RBFOX1: variants seen among roughly 807,000 people sequenced by gnomAD.
RBFOX1 encodes RNA binding fox-1 homolog 1.
RBFOX1 carries 8 observed loss-of-function variants against 57.7 expected under a neutral mutation model. The observed-to-expected ratio is 0.14, with a 90% CI of 0.08 to 0.25. The LOEUF is 0.25. Ranked by LOEUF, RBFOX1 falls within the 10% of genes least tolerant of loss-of-function variation. The probability of loss-of-function intolerance (pLI) is 1.00; values close to 1 mark genes in which losing one functional copy is unlikely to be tolerated. For synonymous variants in RBFOX1, 326 were observed against 222.4 expected (o/e 1.47, Z -4.15); for missense variants, 611 against 548.5 (o/e 1.11, Z -1.14).
chr16:7,701,370 C>T (rs2080662439), intron 14 of RBFOX1, among the ~76,000 whole-genome samples: 2 of 152,186 alleles, frequency 1.3e-5, no homozygotes, highest in African/African-American at 2.4e-5. Flanking sequence ...CCTGCCTGAG[C>T]TCCACCTCCT....
At chr16:6,452,038 C>A (rs911089482) in intron 2 of RBFOX1, among the ~76,000 whole-genome samples, 1 of 151,384 alleles carries the variant, frequency 6.6e-6, no homozygotes, top group Admixed American at 6.6e-5. Flanking sequence ...ATGGCTCCTT[C>A]CTTCCATGGC....
intron 3 of RBFOX1, among the ~76,000 whole-genome samples, chr16:6,812,440 C>G (rs981778234): frequency 1.3e-5 from 2 of 152,104 alleles, no homozygotes; most frequent in Non-Finnish European, 2.9e-5. Flanking sequence ...GTGGCCCGAT[C>G]TCGGCTCATT....
At chr16:7,082,963 G>C (rs2059426952) in intron 4 of RBFOX1, among the ~76,000 whole-genome samples, 1 of 151,644 alleles carries the variant, frequency 6.6e-6, no homozygotes, top group Non-Finnish European at 1.5e-5. Flanking sequence ...GGACCTACCA[G>C]CCTGCTTGTA....
intron 4 of RBFOX1, among the ~76,000 whole-genome samples, chr16:7,152,678 C>G (rs573344200): frequency 6.6e-6 from 1 of 152,146 alleles, no homozygotes; most frequent in Non-Finnish European, 1.5e-5. Flanking sequence ...ATTTATTTTG[C>G]TTTGGAAATG....
intron 4 of RBFOX1, among the ~76,000 whole-genome samples, chr16:7,267,459 C>G (rs1011880001): frequency 1.3e-5 from 2 of 151,974 alleles, no homozygotes; most frequent in Non-Finnish European, 2.9e-5. Context: ...TCACTTGAAC[C>G]TAGTAGGTGG....
chr16:6,788,614 T>C (rs934652645), intron 3 of RBFOX1, among the ~76,000 whole-genome samples: 3 of 152,026 alleles, frequency 2.0e-5, no homozygotes, highest in African/African-American at 7.2e-5. Flanking sequence ...TAGCTGGAAC[T>C]ACAGGTGCCT....
intron 4 of RBFOX1, among the ~76,000 whole-genome samples, chr16:7,307,854 C>G (rs2096227489): frequency 2.0e-5 from 3 of 152,170 alleles, no homozygotes; most frequent in African/African-American, 7.2e-5. Flanking sequence ...ATCTTGCTGT[C>G]CAGGGAAAGT....
intron 4 of RBFOX1, among the ~76,000 whole-genome samples, chr16:7,338,342 A>G (rs1252643087): frequency 6.6e-6 from 1 of 152,174 alleles, no homozygotes; most frequent in Non-Finnish European, 1.5e-5. Flanking sequence ...ATGCCAATGT[A>G]TGCCTCTCTG....
intron 4 of RBFOX1, among the ~76,000 whole-genome samples, chr16:7,473,418 ATAC>A (rs2061968194): frequency 1.4e-5 from 2 of 148,116 alleles, no homozygotes; most frequent in Admixed American, 1.4e-4. Context: ...AATGTTATAT[ATAC>A]ATAGTATATA....
chr16:5,664,495 C>T (rs996818989), intron 3 of RBFOX1, among the ~76,000 whole-genome samples: 5 of 152,050 alleles, frequency 3.3e-5, no homozygotes, highest in African/African-American at 7.2e-5. Context: ...TGCAATGAAC[C>T]GAGATTGCAT....
At chr16:7,259,831 G>C (rs2094846451) in intron 4 of RBFOX1, among the ~76,000 whole-genome samples, 1 of 152,164 alleles carries the variant, frequency 6.6e-6, no homozygotes, top group African/African-American at 2.4e-5. Context: ...ATAATTTTAT[G>C]TGTGTGTAAT....
chr16:5,953,710 A>C (rs1597937539), intron 4 of RBFOX1, among the ~76,000 whole-genome samples: 1 of 138,372 alleles, frequency 7.2e-6, no homozygotes, highest in East Asian at 2.1e-4. Flanking sequence ...TGTCTTATAT[A>C]TATATATATA....
chr16:5,418,342 G>GGTGC (rs1440745284), intron 1 of RBFOX1, among the ~76,000 whole-genome samples: 1 of 141,176 alleles, frequency 7.1e-6, no homozygotes, highest in Admixed American at 7.1e-5. Context: ...GTGGGAGGCA[G>GGTGC]GTGCGGTCAC....
chr16:5,545,357 T>A (rs1352637758), intron 2 of RBFOX1, among the ~76,000 whole-genome samples: 2 of 152,116 alleles, frequency 1.3e-5, no homozygotes, highest in African/African-American at 4.8e-5. Flanking sequence ...GGAAAGATTA[T>A]TTTAGGAGAC....
intron 4 of RBFOX1, among the ~76,000 whole-genome samples, chr16:5,878,852 G>T (rs2057689539): frequency 6.6e-6 from 1 of 152,100 alleles, no homozygotes; most frequent in Non-Finnish European, 1.5e-5. Context: ...AAAATAGGAG[G>T]GTTGGAACAA....
intron 3 of RBFOX1, among the ~76,000 whole-genome samples, chr16:6,953,579 G>A (rs1291638621): frequency 2.0e-5 from 3 of 152,066 alleles, no homozygotes; most frequent in African/African-American, 7.2e-5. Context: ...TAGAGATGGG[G>A]TTTTGCCATG....
intron 2 of RBFOX1, among the ~76,000 whole-genome samples, chr16:6,490,285 A>C (rs951816481): frequency 6.6e-6 from 1 of 152,246 alleles, no homozygotes; most frequent in Non-Finnish European, 1.5e-5. Context: ...TTAAATACAT[A>C]CCAGAATATC....
chr16:6,209,879 G>A (rs538472961), intron 1 of RBFOX1, among the ~76,000 whole-genome samples: 1 of 152,330 alleles, frequency 6.6e-6, no homozygotes, highest in African/African-American at 2.4e-5. Context: ...TTTCTTATTA[G>A]TTTCATTGCT....
chr16:5,819,677 G>C (rs2055774629), intron 3 of RBFOX1, among the ~76,000 whole-genome samples: 1 of 152,186 alleles, frequency 6.6e-6, no homozygotes. Flanking sequence ...CCTTATCTAT[G>C]CTGCTCCCAC....
Sources: allele counts gnomAD v4.1 joint callset (sites outside exome capture counted in the v4.1 genomes callset), GRCh38; gene constraint gnomAD v4.1.1; transcripts MANE v1.5; gene names NCBI Gene and HGNC (gene_info 2026-07-23, HGNC 2026-07-21).